The following NHSL1 variants were observed in gnomAD, a reference collection of about 807,000 sequenced individuals.
The protein encoded by NHSL1 is NHS-like protein 1.
In NHSL1, 48 loss-of-function variants were observed where a neutral mutation model predicts 95.0. The observed-to-expected ratio is 0.51, with a 90% confidence interval of 0.40 to 0.64. The LOEUF is 0.64. NHSL1 is among the 30% of genes least tolerant of loss of function. The pLI, the probability that NHSL1 is intolerant of heterozygous loss-of-function variation, is 0.00. For synonymous variants in NHSL1, 783 were observed against 833.9 expected (o/e 0.94, Z 1.05); for missense variants, 1,971 against 2,077.7 (o/e 0.95, Z 1.00).
At chr6:138,538,469 G>A (rs1041719563) in intron 1 of NHSL1, among the ~76,000 whole-genome samples, 1 of 152,104 alleles carries the variant, frequency 6.6e-6, no homozygotes, top group African/African-American at 2.4e-5. Flanking sequence ...AGCATCCTCT[G>A]GGCATCTGCC....
At chr6:138,434,857 A>G (rs1775969290) in intron 5 of NHSL1, among the ~76,000 whole-genome samples, 1 of 152,198 alleles carries the variant, frequency 6.6e-6, no homozygotes, top group Non-Finnish European at 1.5e-5. Flanking sequence ...GCTCACTCAG[A>G]TAGCAGAGGG....
At chr6:138,653,763 CA>C (rs1451407665) in intron 1 of NHSL1, among the ~76,000 whole-genome samples, 2 of 152,208 alleles carry the variant, frequency 1.3e-5, no homozygotes, top group African/African-American at 4.8e-5. Context: ...ACGCAGTATA[CA>C]TATGATATAT....
chr6:138,429,573 C>A, intron 7 of NHSL1, 138 bp downstream of exon 7: 1 of 747,180 alleles, frequency 1.3e-6, no homozygotes, highest in East Asian at 3.0e-5. Flanking sequence ...TAGAAACCCA[C>A]TAAAAAATCA....
intron 1 of NHSL1, among the ~76,000 whole-genome samples, chr6:138,543,579 T>C (rs1168905638): frequency 1.3e-5 from 2 of 152,218 alleles, no homozygotes; most frequent in African/African-American, 4.8e-5. Flanking sequence ...AGAGCAATCA[T>C]GTTTCCTTTA....
At chr6:138,451,947 TC>T (rs1777266534) in intron 3 of NHSL1, among the ~76,000 whole-genome samples, 1 of 152,198 alleles carries the variant, frequency 6.6e-6, no homozygotes, top group Admixed American at 6.5e-5. Flanking sequence ...TATGTTTTGA[TC>T]AACTCAATCT....
intron 1 of NHSL1, among the ~76,000 whole-genome samples, chr6:138,585,536 G>A (rs1450709347): frequency 2.6e-5 from 4 of 151,958 alleles, no homozygotes; most frequent in Admixed American, 6.6e-5. Flanking sequence ...TATTTTAAAC[G>A]ACTGAAAAAT....
At chr6:138,523,822 T>C (rs1294489633) in intron 1 of NHSL1, among the ~76,000 whole-genome samples, 1 of 152,194 alleles carries the variant, frequency 6.6e-6, no homozygotes, top group African/African-American at 2.4e-5. Flanking sequence ...CATAGGTCCA[T>C]GCTGTAGGTC....
intron 1 of NHSL1, chr6:138,512,420 C>A (rs1400415997): frequency 4.8e-6 from 2 of 419,370 alleles, no homozygotes; most frequent in South Asian, 1.8e-5. Flanking sequence ...AAATTCACTT[C>A]TTTGCTCAGT....
At chr6:138,503,077 T>G (rs1043902538), upstream of NHSL1, among the ~76,000 whole-genome samples, 1 of 152,212 alleles carries the variant, frequency 6.6e-6, no homozygotes, top group African/African-American at 2.4e-5. Flanking sequence ...TCTTTTCTAT[T>G]GTCTAAGATT....
intron 1 of NHSL1, among the ~76,000 whole-genome samples, chr6:138,583,347 A>T (rs4072536): frequency 0.011 from 1,658 of 152,292 alleles, 41 homozygotes; most frequent in African/African-American, 0.038. Flanking sequence ...CCACTCGCCC[A>T]AGGAAGTGGG....
In NHSL1 at chr6:138,552,839, A is replaced by G. The variant is rs567839798; in HGVS notation, c.202+18871T>C. Among the ~76,000 whole-genome samples, 63 of 152,318 alleles carry G rather than the reference A, an allele frequency of 4.1e-4. 1 individual carries two copies. In the South Asian group the frequency reaches 0.01, roughly 25 times the overall value. On this transcript the variant is annotated intron_variant, in intron 1 of 6. Coordinates refer to the NHSL1 transcript ENST00000427025. The stretch of plus-strand genomic sequence containing the variant: ...CTCAGAAGCACAGTGACACCTCATG[A>G]GCAACAGTGCAGAAAGGAGATTTTA...
Position 138,433,300 on chromosome 6 carries a change from CT to C in NHSL1, c.1044del (p.Asp349ThrfsTer2). The C allele has an allele frequency of 2.6e-6, 4 of 1,551,684 alleles. No individual in the cohort carries two copies. The highest frequency in any genetic ancestry group is 3.5e-6 in the Non-Finnish European group (4 of 1,146,944). ...EPRLGALGPA[G>X]DMNGTFLYQR... Reference sequence around the variant, plus strand: ...TGGTAGAGGAAAGTGCCATTCATGTCTCCTGCAGGGCCGAGGGCACCCAGCC... The same window carrying C: ...TGGTAGAGGAAAGTGCCATTCATGTCCCTGCAGGGCCGAGGGCACCCAGCC... On this transcript the variant is annotated frameshift_variant, in exon 6 of 8. Coordinates refer to ENST00000343505, the MANE Select transcript of NHSL1 (RefSeq NM_001144060.2). LOFTEE classifies it high-confidence loss of function.
At chr6:138,497,788 C>G (rs1780444784) in intron 1 of NHSL1, among the ~76,000 whole-genome samples, 1 of 152,190 alleles carries the variant, frequency 6.6e-6, no homozygotes, top group Non-Finnish European at 1.5e-5. Context: ...CACATACCAT[C>G]TTTTCTGCAG....
chr6:138,484,142 C>A (rs1779587140), intron 2 of NHSL1, among the ~76,000 whole-genome samples: 1 of 152,182 alleles, frequency 6.6e-6, no homozygotes, highest in Admixed American at 6.5e-5. Context: ...AGTAGAATTT[C>A]AGGGAAACTG....
At position 138,515,832 on chromosome 6, in the gene NHSL1, A is replaced by G. The variant is rs550823163; in HGVS notation, c.17-19461T>C. ...GGTAGGTAAACGTTTGCTAGAGGAA[A>G]ACAGATATGAAACACATTCCAACTC... On this transcript the variant is annotated intron_variant, in intron 1 of 4. Coordinates refer to the NHSL1 transcript ENST00000342260. Among the ~76,000 whole-genome samples, 174 of 152,330 alleles carry G rather than the reference A, an allele frequency of 1.1e-3. 2 individuals carry two copies. The highest frequency in any genetic ancestry group is 3.9e-3 in the African/African-American group (162 of 41,582).
chr6:138,601,736 C>T (rs76619718), intron 1 of NHSL1, among the ~76,000 whole-genome samples: 6,435 of 151,896 alleles, frequency 0.042, 181 homozygotes, highest in South Asian at 0.071. Flanking sequence ...CGCTTGAACC[C>T]GGGAGGTGGA....
chr6:138,423,311 A>G lies in NHSL1; in HGVS notation c.*770T>C, dbSNP rs191984999. The G allele has an allele frequency of 2.6e-5, 4 of 152,308 alleles. No individual in the cohort carries two copies. In the East Asian group the frequency reaches 7.7e-4, roughly 29 times the overall value. The allele number at this position is 152,308 out of a possible 1,614,324, so 9.4% of individuals were successfully genotyped here. On this transcript the variant is annotated 3_prime_UTR_variant, in exon 8 of 8. Transcript: ENST00000343505. ...TGACCTCAGCTGCTACTCAAGGAGG[A>G]AATTCATTAAAAAATTACCCACACT... is the stretch of plus-strand genomic sequence containing the variant.
chr6:138,517,561 A>G (rs1271030723), intron 1 of NHSL1, among the ~76,000 whole-genome samples: 1 of 152,234 alleles, frequency 6.6e-6, no homozygotes, highest in Non-Finnish European at 1.5e-5. Context: ...GTGCCTTGTT[A>G]AAGCAGATAT....
upstream of NHSL1, among the ~76,000 whole-genome samples, chr6:138,500,099 C>CA (rs150994673): frequency 6.6e-6 from 1 of 151,092 alleles, no homozygotes; most frequent in African/African-American, 2.4e-5. Flanking sequence ...AAAAATCCAC[C>CA]AAAAAAAATA....
Sources: allele counts gnomAD v4.1 joint callset (sites outside exome capture counted in the v4.1 genomes callset), GRCh38; gene constraint gnomAD v4.1.1; transcripts MANE v1.5; gene names NCBI Gene and HGNC (gene_info 2026-07-23, HGNC 2026-07-21).